Variants in TIPARP observed in about 807,000 individuals in gnomAD.
TIPARP encodes the protein TCDD inducible poly(ADP-ribose) polymerase.
TIPARP carries 12 observed loss-of-function variants against 56.5 expected under a neutral mutation model. The observed-to-expected ratio is 0.21, with a 90% CI of 0.14 to 0.34. The LOEUF is 0.34. TIPARP is among the 10% of genes least tolerant of loss of function. The pLI, the probability that TIPARP is intolerant of heterozygous loss-of-function variation, is 1.00. For synonymous variants in TIPARP, 296 were observed against 265.7 expected (o/e 1.11, Z -1.11); for missense variants, 604 against 781.6 (o/e 0.77, Z 2.71).
At chr3:156,695,092 C>G (rs1037593095) in intron 3 of TIPARP, among the ~76,000 whole-genome samples, 1 of 152,100 alleles carries the variant, frequency 6.6e-6, no homozygotes, top group Non-Finnish European at 1.5e-5. Flanking sequence ...AAATAGAATA[C>G]AAGGCTGTTT....
intron 1 of TIPARP, among the ~76,000 whole-genome samples, chr3:156,677,286 G>T (rs1284038224): frequency 6.6e-6 from 1 of 152,160 alleles, no homozygotes; most frequent in Non-Finnish European, 1.5e-5. Flanking sequence ...GAGTGGAAAT[G>T]TGGTTTCCCT....
chr3:156,702,038 G>C (rs1245185838), intron 4 of TIPARP, among the ~76,000 whole-genome samples: 4 of 142,820 alleles, frequency 2.8e-5, no homozygotes, highest in Admixed American at 2.8e-4. Flanking sequence ...TGGTGGTGGT[G>C]GTGGTGGTGG....
Position 156,705,284 on chromosome 3 carries a change from A to T in TIPARP, c.*153A>T, listed in dbSNP as rs185161634. 2.1e-3 allele frequency: 1,222 copies of T among 572,886 alleles called. 4 individuals are homozygous for T. Among genetic ancestry groups the T allele is most frequent in the East Asian group, 7.4e-3 (253 of 34,266 alleles). The allele number at this position is 572,886 out of a possible 1,614,324, so 35.5% of individuals were successfully genotyped here. On this transcript the variant is annotated 3_prime_UTR_variant, in exon 6 of 6. Coordinates refer to ENST00000295924, the MANE Select transcript of TIPARP (RefSeq NM_015508.5). ...AAAGTGCTAGAAAATGCTTTTTTTA[A>T]AAAAAAAATACAAGTTTTAAAATGA...
intron 1 of TIPARP, chr3:156,676,748 G>A (rs983419085): frequency 2.6e-5 from 4 of 151,894 alleles, no homozygotes; most frequent in Admixed American, 6.6e-5. Context: ...TTGGAAGAAA[G>A]GACTTTTTCG....
At chr3:156,703,848 C>G in intron 5 of TIPARP, 146 bp downstream of exon 5, 1 of 845,228 alleles carries the variant, frequency 1.2e-6, no homozygotes, top group Non-Finnish European at 1.7e-6. Flanking sequence ...CCCGTCTCTA[C>G]TAAAAATAGA....
Position 156,704,960 on chromosome 3 carries a change from T to C in TIPARP, c.1803T>C (p.His601=), listed in dbSNP as rs769233731. The part of the protein sequence containing the change: ...VLTGRYTMGS[H]GMRRPPPVNP... ...CGGGCAGATACACAATGGGCAGTCA[T>C]GGCATGAGAAGGCCCCCGCCAGTCA... is the stretch of plus-strand genomic sequence containing the variant. Residue 601 remains histidine, a synonymous_variant, in exon 6 of 6, where the codon CAT becomes CAC. Transcript: ENST00000295924. 3 of 1,614,226 alleles carry C rather than the reference T, an allele frequency of 1.9e-6. No homozygotes were observed. The highest frequency in any genetic ancestry group is 2.5e-6 in the Non-Finnish European group (3 of 1,180,038).
chr3:156,693,427 A>G (rs995844903), intron 2 of TIPARP, among the ~76,000 whole-genome samples: 1 of 152,188 alleles, frequency 6.6e-6, no homozygotes, highest in East Asian at 1.9e-4. Context: ...ACCTCATAAT[A>G]ATCCAAACTT....
At chr3:156,688,372 CAAAAAAAAA>C (rs56676116) in intron 2 of TIPARP, among the ~76,000 whole-genome samples, 6 of 83,846 alleles carry the variant, frequency 7.2e-5, no homozygotes, top group African/African-American at 2.8e-4. Context: ...GACCCTATCT[CAAAAAAAAA>C]AAAAAAAAAA....
At chr3:156,702,522 C>G (rs989169066) in intron 4 of TIPARP, among the ~76,000 whole-genome samples, 1 of 152,182 alleles carries the variant, frequency 6.6e-6, no homozygotes, top group African/African-American at 2.4e-5. Context: ...TTTCCTAATA[C>G]ATTTTGGCAC....
intron 2 of TIPARP, among the ~76,000 whole-genome samples, chr3:156,682,693 A>G (rs1458835265): frequency 6.6e-6 from 1 of 152,226 alleles, no homozygotes; most frequent in Non-Finnish European, 1.5e-5. Context: ...GAACTAACTC[A>G]TTATGTGTTA....
Position 156,694,136 on chromosome 3 carries a change from C to A in TIPARP, c.1034C>A (p.Thr345Lys). ...PSSNVNSIYH[T>K]VWKFFCRDHF... Reference sequence around the variant, plus strand: ...AGCAATGTCAACTCTATTTACCACACAGTCTGGAAATTCTTCTGTAGGGAC... The same window carrying A: ...AGCAATGTCAACTCTATTTACCACAAAGTCTGGAAATTCTTCTGTAGGGAC... The change falls in exon 3 of 6, where the codon ACA (threonine) becomes AAA (lysine). Residue 345 changes from threonine (T) to lysine (K), a missense_variant. By Grantham distance (78) the Thr-to-Lys change is moderately conservative. Coordinates refer to ENST00000295924, the MANE Select transcript of TIPARP (RefSeq NM_015508.5). 7 of 1,613,220 alleles carry A rather than the reference C, an allele frequency of 4.3e-6. No individual in the cohort carries two copies. The highest frequency in any genetic ancestry group is 5.9e-6 in the Non-Finnish European group (7 of 1,179,578).
At chr3:156,702,987 C>T (rs867385468) in intron 4 of TIPARP, among the ~76,000 whole-genome samples, 1 of 152,316 alleles carries the variant, frequency 6.6e-6, no homozygotes, top group African/African-American at 2.4e-5. Flanking sequence ...TATAAGCTCC[C>T]TCCTTGCTGC....
chr3:156,694,932 A>G (rs1722673291), intron 3 of TIPARP, among the ~76,000 whole-genome samples: 1 of 152,210 alleles, frequency 6.6e-6, no homozygotes, highest in Non-Finnish European at 1.5e-5. Context: ...CAATAGCAAA[A>G]GAAAAAAACC....
chr3:156,683,116 A>T (rs1722344954), intron 2 of TIPARP, among the ~76,000 whole-genome samples: 2 of 152,178 alleles, frequency 1.3e-5, no homozygotes, highest in South Asian at 4.1e-4. Flanking sequence ...GGTTGGGGTC[A>T]TTCTTTTCCT....
intron 1 of TIPARP, among the ~76,000 whole-genome samples, chr3:156,676,947 G>A (rs186661853): frequency 5.6e-4 from 86 of 152,264 alleles, no homozygotes; most frequent in African/African-American, 2.0e-3. Flanking sequence ...TGCAGTGGTT[G>A]TTGCTAATGG....
chr3:156,679,725 C>G lies in TIPARP; in HGVS notation c.917+1111C>G, dbSNP rs76698808. Among the ~76,000 whole-genome samples the G allele has an allele frequency of 9.1e-3, 1,379 of 152,220 alleles. 34 individuals are homozygous for G. Among genetic ancestry groups the G allele is most frequent in the Admixed American group, 0.054 (820 of 15,292 alleles). On this transcript the variant is annotated intron_variant, in intron 2 of 5. Coordinates refer to ENST00000295924, the MANE Select transcript of TIPARP (RefSeq NM_015508.5). The stretch of plus-strand genomic sequence containing the variant: ...GGAAAATACACTGAATATACCATCC[C>G]AGAAGTCCAAGAGAAAACAATTCCT...
intron 4 of TIPARP, among the ~76,000 whole-genome samples, chr3:156,700,877 G>A (rs1311487647): frequency 6.6e-6 from 1 of 152,210 alleles, no homozygotes; most frequent in Admixed American, 6.5e-5. Flanking sequence ...TTGTGTAGAA[G>A]CTCAATTCCC....
intron 1 of TIPARP, among the ~76,000 whole-genome samples, chr3:156,677,116 A>G (rs564024463): frequency 1.4e-4 from 21 of 152,360 alleles, no homozygotes; most frequent in African/African-American, 3.8e-4. Flanking sequence ...GAACATTTCA[A>G]TTGAGAGCCC....
chr3:156,675,383 C>A (rs1722095102), intron 1 of TIPARP: 1 of 152,312 alleles, frequency 6.6e-6, no homozygotes, highest in Non-Finnish European at 1.5e-5. Context: ...GTTGGACGCT[C>A]CTCGGGAGGT....
Sources: gnomAD v4.1 joint callset for allele counts (sites outside exome capture counted in the v4.1 genomes callset) on GRCh38, gnomAD v4.1.1 for gene constraint, MANE v1.5 for transcripts, NCBI Gene and HGNC (gene_info 2026-07-23, HGNC 2026-07-21) for gene names.